LPIN2: variants seen among roughly 807,000 people sequenced by gnomAD.
The protein encoded by LPIN2 is phosphatidate phosphatase LPIN2.
Under a neutral mutation model 111.4 loss-of-function variants are expected in LPIN2, and 55 were observed. The observed-to-expected ratio is 0.49, with a 90% confidence interval of 0.40 to 0.62. The LOEUF (loss-of-function observed/expected upper bound fraction) is 0.62. Among genes scored for constraint, LPIN2 ranks in the 20% least tolerant of loss-of-function variants. The pLI, the probability that LPIN2 is intolerant of heterozygous loss-of-function variation, is 0.00. For synonymous variants in LPIN2, 425 were observed against 414.0 expected, an observed-to-expected ratio of 1.03 and a Z score of -0.32; for missense variants, 992 against 1,112.1, an observed-to-expected ratio of 0.89 and a Z score of 1.54.
chr18:3,007,210 G>A (rs913773463), intron 1 of LPIN2, among the ~76,000 whole-genome samples: 3 of 151,612 alleles, frequency 2.0e-5, no homozygotes, highest in Admixed American at 6.6e-5. Context: ...TTGCTCTGTC[G>A]CCCAGGGCTG....
chr18:2,951,494 C>T (rs959437431), intron 3 of LPIN2, 138 bp from the exon 4 acceptor site: 2 of 776,534 alleles, frequency 2.6e-6, no homozygotes, highest in Non-Finnish European at 4.1e-6. Flanking sequence ...GAAAGTCCCA[C>T]TGAACTAAGG....
intron 5 of LPIN2, 23 bp downstream of exon 5, chr18:2,940,582 C>A (rs1173228403): frequency 4.1e-6 from 6 of 1,470,216 alleles, no homozygotes; most frequent in Middle Eastern, 1.7e-4. Context: ...TTCAAGAAAC[C>A]AAGAAATTTC....
At position 2,963,225 on chromosome 18, in the gene LPIN2, CAGAGCT is replaced by C. The variant is rs148246492; in HGVS notation, c.-9-2382_-9-2377del. 8.6e-3 allele frequency among the ~76,000 whole-genome samples: 1,315 copies of C among 152,324 alleles called. 9 individuals carry two copies. Among genetic ancestry groups the C allele is most frequent in the African/African-American group, 0.026 (1,091 of 41,570 alleles). ...CTGTCTGCTAGAAGGGTCACCCCAA[CAGAGCT>C]GGGGAAAGAGGCTTCCTCACCGTTA... On this transcript the variant is annotated intron_variant, in intron 1 of 19. Coordinates refer to ENST00000677752, the MANE Select transcript of LPIN2 (RefSeq NM_001375808.2).
chr18:2,963,433 T>C (rs1313071629), intron 1 of LPIN2, among the ~76,000 whole-genome samples: 3 of 151,564 alleles, frequency 2.0e-5, no homozygotes, highest in Non-Finnish European at 4.4e-5. Context: ...AGCCACACTC[T>C]GAACCAGCAG....
intron 1 of LPIN2, among the ~76,000 whole-genome samples, chr18:2,971,748 A>G (rs2077917004): frequency 7.5e-4 from 1 of 1,332 alleles, no homozygotes; most frequent in African/African-American, 9.2e-4. Context: ...CATGCACTGG[A>G]AAAAAAAAAA....
chr18:2,924,892 G>A (rs2077106975), intron 14 of LPIN2, among the ~76,000 whole-genome samples: 1 of 152,218 alleles, frequency 6.6e-6, no homozygotes, highest in Non-Finnish European at 1.5e-5. Context: ...AAAATAAGAG[G>A]AGAAATTGTG....
At chr18:2,933,327 C>T (rs966010837) in intron 8 of LPIN2, among the ~76,000 whole-genome samples, 1 of 152,036 alleles carries the variant, frequency 6.6e-6, no homozygotes, top group Non-Finnish European at 1.5e-5. Context: ...AAGACATATA[C>T]CGAAGGAATA....
At chr18:2,976,422 T>C (rs2078016942) in intron 1 of LPIN2, among the ~76,000 whole-genome samples, 1 of 152,164 alleles carries the variant, frequency 6.6e-6, no homozygotes, top group Non-Finnish European at 1.5e-5. Flanking sequence ...TATCAAGAAG[T>C]CTGATAGAGC....
intron 2 of LPIN2, among the ~76,000 whole-genome samples, chr18:2,958,056 C>T (rs1381730895): frequency 2.2e-5 from 3 of 138,912 alleles, no homozygotes; most frequent in Non-Finnish European, 3.0e-5. Flanking sequence ...GCAGGAGAAA[C>T]GCTTGAATCA....
chr18:2,948,632 G>C (rs748349959), intron 4 of LPIN2, among the ~76,000 whole-genome samples: 4 of 152,080 alleles, frequency 2.6e-5, no homozygotes, highest in African/African-American at 4.8e-5. Flanking sequence ...GTAGATCTTG[G>C]AAGAATTTTA....
At chr18:2,982,339 C>T (rs1268449392) in intron 1 of LPIN2, among the ~76,000 whole-genome samples, 1 of 151,926 alleles carries the variant, frequency 6.6e-6, no homozygotes, top group East Asian at 1.9e-4. Context: ...GAATGTGAAA[C>T]CAAATATATT....
At chr18:3,009,779 G>C (rs1191665096) in intron 1 of LPIN2, among the ~76,000 whole-genome samples, 1 of 152,140 alleles carries the variant, frequency 6.6e-6, no homozygotes, top group Admixed American at 6.5e-5. Context: ...AACATAAACT[G>C]ACAAACCTGA....
At chr18:2,977,929 A>T (rs1051148107) in intron 1 of LPIN2, among the ~76,000 whole-genome samples, 1 of 152,194 alleles carries the variant, frequency 6.6e-6, no homozygotes, top group Non-Finnish European at 1.5e-5. Context: ...TCGGTGGTTT[A>T]CACCTGTAAT....
chr18:2,950,977 A>G (rs1428466943), intron 4 of LPIN2, 78 bp downstream of exon 4: 1 of 1,497,448 alleles, frequency 6.7e-7, no homozygotes, highest in African/African-American at 1.4e-5. Flanking sequence ...CTGTGTATCC[A>G]TAAAAAAACT....
chr18:2,969,833 A>C (rs1280256404), intron 1 of LPIN2, among the ~76,000 whole-genome samples: 1 of 152,232 alleles, frequency 6.6e-6, no homozygotes, highest in East Asian at 1.9e-4. Flanking sequence ...GCTCTGTTGC[A>C]AGAACTTTCT....
rs769949222 is a variant in LPIN2 at position 2,951,043 on chromosome 18, T to TGA, written c.590+10_590+11dup. On this transcript the variant is annotated intron_variant, in intron 4 of 19. Transcript: ENST00000677752. ...TACCCGCACAAGACCCTTCCCAGGC[T>TGA]GAGAGTCCTACCGTGCTGCCTGGGC... The TGA allele has an allele frequency of 3.1e-6, 5 of 1,613,824 alleles. No individual in the cohort carries two copies. Among genetic ancestry groups the TGA allele is most frequent in the Non-Finnish European group, 3.4e-6 (4 of 1,179,944 alleles).
intron 7 of LPIN2, among the ~76,000 whole-genome samples, chr18:2,936,422 A>G (rs1243144697): frequency 6.6e-6 from 1 of 152,182 alleles, no homozygotes; most frequent in Non-Finnish European, 1.5e-5. Context: ...AAAGTGAGGA[A>G]GAACTGTTGA....
At chr18:2,954,621 A>C (rs772152349) in intron 2 of LPIN2, 22 bp from the exon 3 acceptor site, 50 of 1,496,146 alleles carry the variant, frequency 3.3e-5, no homozygotes, top group Non-Finnish European at 4.5e-5. Flanking sequence ...ACAAAGTATG[A>C]CTTAATGTTC....
intron 2 of LPIN2, among the ~76,000 whole-genome samples, chr18:2,955,540 C>G (rs960606340): frequency 6.6e-6 from 1 of 152,226 alleles, no homozygotes; most frequent in African/African-American, 2.4e-5. Flanking sequence ...ACCTCTAACA[C>G]TGGAGTTCAC....
Sources: gnomAD v4.1 joint callset for allele counts (sites outside exome capture counted in the v4.1 genomes callset) on GRCh38, gnomAD v4.1.1 for gene constraint, MANE v1.5 for transcripts, NCBI Gene and HGNC (gene_info 2026-07-23, HGNC 2026-07-21) for gene names.